The following RNF166 variants were observed in gnomAD, a reference collection of about 807,000 sequenced individuals.
RNF166 encodes the protein E3 ubiquitin-protein ligase RNF166.
A neutral mutation model predicts 29.4 loss-of-function variants in RNF166; 19 were observed. That is an observed-to-expected ratio of 0.65 (90% CI 0.45 to 0.95). RNF166 has a LOEUF of 0.95. RNF166 is among the 40% of genes least tolerant of loss of function. The probability of loss-of-function intolerance (pLI) is 0.00; values close to 1 mark genes in which losing one functional copy is unlikely to be tolerated. For synonymous variants in RNF166, 171 were observed against 134.5 expected (o/e 1.27, Z -1.88); for missense variants, 347 against 322.1 (o/e 1.08, Z -0.59).
At chr16:88,703,668 G>C (rs1910493575) in intron 1 of RNF166, 1 of 985,388 alleles carries the variant, frequency 1.0e-6, no homozygotes, top group African/African-American at 1.7e-5. Context: ...CCCAGGGGCT[G>C]GTGCTGAGCA....
chr16:88,696,528 T>C lies in RNF166; in HGVS notation c.*1040A>G. ...CTCTGAGACATTTTATTTAAACTTT[T>C]TTTTTTAAAAAAAAGACAGCAATAA... On this transcript the variant is annotated 3_prime_UTR_variant, in exon 6 of 6. Coordinates refer to ENST00000312838, the MANE Select transcript of RNF166 (RefSeq NM_178841.4). 1 of 428,722 alleles carries C rather than the reference T, an allele frequency of 2.3e-6. No homozygotes were observed. Among genetic ancestry groups the C allele is most frequent in the South Asian group, 1.7e-5 (1 of 59,884 alleles). The allele number at this position is 428,722 out of a possible 1,614,324, so 26.6% of individuals were successfully genotyped here.
At chr16:88,698,305 CCACT>C (rs766384616) in intron 5 of RNF166, 193 bp downstream of exon 5, 10 of 704,528 alleles carry the variant, frequency 1.4e-5, no homozygotes, top group South Asian at 4.4e-5. Context: ...CCTCTAGTGG[CCACT>C]CAAACTCAGC....
At chr16:88,700,993 C>G in intron 2 of RNF166, 4 of 1,350,018 alleles carry the variant, frequency 3.0e-6, no homozygotes, top group Non-Finnish European at 3.8e-6. Context: ...TGGCCACAAC[C>G]CACGTGGGTT....
Position 88,697,414 on chromosome 16 carries a change from G to A in RNF166, c.*154C>T. 3.4e-6 allele frequency: 2 copies of A among 591,290 alleles called. No individual in the cohort carries two copies. The allele number at this position is 591,290 out of a possible 1,614,324, so 36.6% of individuals were successfully genotyped here. On this transcript the variant is annotated 3_prime_UTR_variant, in exon 6 of 6. Coordinates refer to ENST00000312838, the MANE Select transcript of RNF166 (RefSeq NM_178841.4). The stretch of plus-strand genomic sequence containing the variant: ...GCCTCGGCGGCTGGCCCGTATTCAG[G>A]CCCGGAGGCTCGGCCCCGGCTCCCC...
Position 88,701,424 on chromosome 16 carries a change from G to A in RNF166, c.156-6C>T. 1 of 1,565,914 alleles carries A rather than the reference G, an allele frequency of 6.4e-7. No individual in the cohort carries two copies. The stretch of plus-strand genomic sequence containing the variant: ...GGAGACACTCCCCGCAGAACCTGCA[G>A]GGCACAGGGGCCTGAGTGCCAGCCC... On this transcript the variant is annotated splice_region_variant and splice_polypyrimidine_tract_variant and intron_variant, in intron 1 of 5. Coordinates refer to ENST00000312838, the MANE Select transcript of RNF166 (RefSeq NM_178841.4).
intron 1 of RNF166, among the ~76,000 whole-genome samples, chr16:88,702,195 C>T (rs528068720): frequency 1.3e-5 from 2 of 152,368 alleles, no homozygotes; most frequent in African/African-American, 4.8e-5. Context: ...GAGGGGTGCA[C>T]CACCAGCCAG....
rs895748756 is a variant in RNF166 at position 88,704,175 on chromosome 16, A to C, written c.155+1996T>G. 2.0e-5 allele frequency: 20 copies of C among 985,374 alleles called. No individual in the cohort carries two copies. The African/African-American group carries it at 3.3e-4, about 16-fold the overall frequency. The allele number at this position is 985,374 out of a possible 1,614,324, so 61.0% of individuals were successfully genotyped here. A position where few individuals can be genotyped will look rare whatever the true frequency, so the allele number is the denominator to read the frequency against. On this transcript the variant is annotated intron_variant, in intron 1 of 5. Coordinates refer to ENST00000312838, the MANE Select transcript of RNF166 (RefSeq NM_178841.4). ...CGGAGGGGACAGAACCAGACCAGCA[A>C]CAAACTTCCGAAGGGAACCTGAAGA...
At chr16:88,697,897 G>T in intron 5 of RNF166, 1 of 498,720 alleles carries the variant, frequency 2.0e-6, no homozygotes, top group East Asian at 3.5e-5. Flanking sequence ...TAAGCCCGGG[G>T]TTTCCGAGGT....
chr16:88,699,999 G>A (rs957101521), intron 2 of RNF166: 1 of 299,024 alleles, frequency 3.3e-6, no homozygotes, highest in Non-Finnish European at 6.3e-6. Context: ...CAGGTAAGGA[G>A]ATCTCTGGCG....
intron 1 of RNF166, among the ~76,000 whole-genome samples, chr16:88,702,338 A>C (rs1456659110): frequency 6.6e-6 from 1 of 152,140 alleles, no homozygotes; most frequent in East Asian, 1.9e-4. Context: ...ACTGAGGCAG[A>C]GCCCCCCAGT....
chr16:88,702,375 T>G (rs1295778653), intron 1 of RNF166, among the ~76,000 whole-genome samples: 1 of 151,906 alleles, frequency 6.6e-6, no homozygotes, highest in African/African-American at 2.4e-5. Flanking sequence ...CACCCGGGGG[T>G]GTAGCTTCCC....
chr16:88,706,368 C>G lies in RNF166; in HGVS notation c.-43G>C, dbSNP rs1910808394. The G allele has an allele frequency of 1.6e-6, 2 of 1,217,142 alleles. No homozygotes were observed. Among genetic ancestry groups the G allele is most frequent in the Non-Finnish European group, 2.0e-6 (2 of 976,340 alleles). The allele number at this position is 1,217,142 out of a possible 1,614,324, so 75.4% of individuals were successfully genotyped here. On this transcript the variant is annotated 5_prime_UTR_variant, in exon 1 of 6. Transcript: ENST00000312838. Reference sequence around the variant, plus strand: ...GCCGCCCGCCGCCCGCTGTCCTGGCCCGGGCCGGCCCGCTAGTCACAGCCG... The same window carrying G: ...GCCGCCCGCCGCCCGCTGTCCTGGCGCGGGCCGGCCCGCTAGTCACAGCCG...
chr16:88,699,299 G>A (rs535884856), intron 3 of RNF166, among the ~76,000 whole-genome samples: 10 of 152,360 alleles, frequency 6.6e-5, no homozygotes, highest in East Asian at 3.9e-4. Context: ...CCAGCCAAAC[G>A]GCAGAGACTC....
chr16:88,704,187 A>G (rs1910541555), intron 1 of RNF166: 1 of 985,364 alleles, frequency 1.0e-6, no homozygotes, highest in African/African-American at 1.7e-5. Flanking sequence ...AAACTTCCGA[A>G]GGGAACCTGA....
chr16:88,701,015 G>A, intron 2 of RNF166: 2 of 1,374,456 alleles, frequency 1.5e-6, no homozygotes, highest in Non-Finnish European at 1.9e-6. Context: ...CCCTGGCCCG[G>A]GCTAGGCGGC....
chr16:88,706,223 T>G lies in RNF166; in HGVS notation c.103A>C (p.Ile35Leu), dbSNP rs1639236355. Residue 35 changes from isoleucine to leucine, a missense_variant, in exon 1 of 6, where the codon ATC (isoleucine) becomes CTC (leucine). Ile to Leu is a conservative substitution (Grantham distance 5, BLOSUM62 2). Coordinates refer to ENST00000312838, the MANE Select transcript of RNF166 (RefSeq NM_178841.4). ...GGCCGGTGATAGACCTCCAGGCAGATGGGGCAGGTGTACTGCGCCTCCAGG... is the reference window on the plus strand; with the variant it reads ...GGCCGGTGATAGACCTCCAGGCAGAGGGGGCAGGTGTACTGCGCCTCCAGG... ...SGLEAQYTCP[I>L]CLEVYHRPVA... 7.6e-7 allele frequency: 1 copy of G among 1,321,098 alleles called. No homozygotes were observed. Among genetic ancestry groups the G allele is most frequent in the Non-Finnish European group, 9.7e-7 (1 of 1,031,182 alleles). The allele number at this position is 1,321,098 out of a possible 1,614,324, so 81.8% of individuals were successfully genotyped here. A position where few individuals can be genotyped will look rare whatever the true frequency, so the allele number is the denominator to read the frequency against.
At chr16:88,706,070 G>A in intron 1 of RNF166, 101 bp downstream of exon 1, 2 of 780,236 alleles carry the variant, frequency 2.6e-6, no homozygotes, top group Non-Finnish European at 3.1e-6. Context: ...GAGTCCCCGC[G>A]CGCCCAGTCC....
At position 88,702,673 on chromosome 16, in the gene RNF166, A is replaced by G. The variant is rs920156771; in HGVS notation, c.156-1255T>C. 1.2e-5 allele frequency: 12 copies of G among 984,486 alleles called. No homozygotes were observed. The South Asian group carries it at 3.8e-4, about 31-fold the overall frequency. 61.0% of individuals were successfully genotyped at this position (984,486 alleles called of 1,614,324 possible). On this transcript the variant is annotated intron_variant, in intron 1 of 5. Coordinates refer to ENST00000312838, the MANE Select transcript of RNF166 (RefSeq NM_178841.4). Reference sequence around the variant, plus strand: ...CCACCACCTGGCTGGTGGCTCCCACATGAAACTTCGTGTGAGAGAAAGCGG... The same window carrying G: ...CCACCACCTGGCTGGTGGCTCCCACGTGAAACTTCGTGTGAGAGAAAGCGG...
intron 3 of RNF166, among the ~76,000 whole-genome samples, 166 bp downstream of exon 3, chr16:88,699,454 C>G (rs779409585): frequency 5.9e-5 from 9 of 152,224 alleles, no homozygotes; most frequent in Non-Finnish European, 1.0e-4. Flanking sequence ...CCAGGGAGGG[C>G]AGCACAGGAG....
Sources: allele counts gnomAD v4.1 joint callset (sites outside exome capture counted in the v4.1 genomes callset), GRCh38; gene constraint gnomAD v4.1.1; transcripts MANE v1.5; gene names NCBI Gene and HGNC (gene_info 2026-07-23, HGNC 2026-07-21).